ODR4: variants seen among roughly 807,000 people sequenced by gnomAD.
ODR4 encodes the protein odr-4 GPCR localization factor homolog.
In ODR4, 47 loss-of-function variants were observed where a neutral mutation model predicts 60.2. The observed-to-expected ratio is 0.78, with a 90% CI of 0.62 to 1.00. The LOEUF (loss-of-function observed/expected upper bound fraction) is 1.00. Among genes scored for constraint, ODR4 ranks in the 50% least tolerant of loss-of-function variants. The probability of loss-of-function intolerance (pLI) is 0.00; values close to 1 mark genes in which losing one functional copy is unlikely to be tolerated. For missense variants in ODR4, 488 were observed against 530.8 expected, an observed-to-expected ratio of 0.92 and a Z score of 0.79; for synonymous variants, 178 against 175.5, an observed-to-expected ratio of 1.01 and a Z score of -0.11.
Position 186,383,085 on chromosome 1 carries a change from G to C in ODR4, c.163G>C (p.Glu55Gln), listed in dbSNP as rs143106529. ...AACGCCACCCAAAGAGGAGCAAAGT[G>C]AGAACCTCAAACATCCCAAAGCTAA... is the stretch of plus-strand genomic sequence containing the variant. ...TRTPPKEEQS[E>Q]NLKHPKAKLD... The change falls in exon 3 of 14, where the codon GAG (glutamate) becomes CAG (glutamine). Residue 55 changes from glutamate (E) to glutamine (Q), a missense_variant. Coordinates refer to ENST00000287859, the MANE Select transcript of ODR4 (RefSeq NM_017847.6). 6.6e-5 allele frequency: 104 copies of C among 1,570,656 alleles called. No homozygotes were observed. In the African/African-American group the frequency reaches 1.2e-3, roughly 18 times the overall value.
chr1:186,408,786 C>A (rs1467173026), intron 12 of ODR4, among the ~76,000 whole-genome samples: 1 of 151,590 alleles, frequency 6.6e-6, no homozygotes, highest in East Asian at 1.9e-4. Flanking sequence ...CTAAGGGTAG[C>A]ACTGTATGCA....
intron 11 of ODR4, chr1:186,401,071 T>A: frequency 6.3e-7 from 1 of 1,597,294 alleles, no homozygotes; most frequent in Non-Finnish European, 8.6e-7. Context: ...CCATTATTGT[T>A]AAAGATTTAC....
the ODR4 span, among the ~76,000 whole-genome samples, chr1:186,433,683 C>T: frequency 6.6e-6 from 1 of 152,024 alleles, no homozygotes; most frequent in Non-Finnish European, 1.5e-5. Context: ...TGGGTTCAAG[C>T]GATTCTCTTG....
chr1:186,397,019 C>T (rs937661863), intron 9 of ODR4, among the ~76,000 whole-genome samples: 1 of 152,062 alleles, frequency 6.6e-6, no homozygotes, highest in African/African-American at 2.4e-5. Context: ...CGTCACACTG[C>T]TGCTTGGTTT....
At chr1:186,400,997 G>T in intron 11 of ODR4, 1 of 1,545,630 alleles carries the variant, frequency 6.5e-7, no homozygotes. Context: ...CAGGTTCTGA[G>T]CAACAGTGTA....
rs532589662 is a variant in ODR4, at chr1:186,415,031, T to C, written c.1187-2513T>C. Among the ~76,000 whole-genome samples the C allele has an allele frequency of 2.6e-5, 4 of 152,176 alleles. No individual in the cohort carries two copies. The South Asian group carries it at 6.2e-4, about 24-fold the overall frequency. On this transcript the variant is annotated intron_variant, in intron 12 of 13. Coordinates refer to ENST00000287859, the MANE Select transcript of ODR4 (RefSeq NM_017847.6). ...AACTGGAAATATAGAAGACTAGATA[T>C]TCCTAGAGACAGTTCATAAGAATTT...
intron 6 of ODR4, among the ~76,000 whole-genome samples, chr1:186,389,871 T>A (rs1660393871): frequency 6.6e-6 from 1 of 152,268 alleles, no homozygotes; most frequent in Admixed American, 6.5e-5. Flanking sequence ...CACTGCAGCC[T>A]CCACCTCTTG....
At chr1:186,402,185 C>CTTTTCTTTCTT (rs1473445796) in intron 11 of ODR4, among the ~76,000 whole-genome samples, 2 of 32,900 alleles carry the variant, frequency 6.1e-5, no homozygotes, top group Non-Finnish European at 7.6e-5. Context: ...TATAGGCATC[C>CTTTTCTTTCTT]TATTCTTTCT....
At chr1:186,383,678 GATATAT>G (rs60229243) in intron 3 of ODR4, among the ~76,000 whole-genome samples, 2 of 140,724 alleles carry the variant, frequency 1.4e-5, no homozygotes, top group Non-Finnish European at 3.1e-5. Context: ...TGTGTATGTA[GATATAT>G]ATATATATAT....
intron 11 of ODR4, among the ~76,000 whole-genome samples, chr1:186,402,882 C>A (rs1044845807): frequency 6.6e-6 from 1 of 152,052 alleles, no homozygotes; most frequent in East Asian, 1.9e-4. Flanking sequence ...ATGAATGGCC[C>A]CATTTTCTTA....
At chr1:186,411,104 G>T (rs923604716) in intron 12 of ODR4, among the ~76,000 whole-genome samples, 3 of 151,584 alleles carry the variant, frequency 2.0e-5, no homozygotes, top group Non-Finnish European at 4.4e-5. Context: ...TCTAAAATCT[G>T]AAATGCTCCA....
the ODR4 span, among the ~76,000 whole-genome samples, chr1:186,427,498 TC>T: frequency 0.16 from 24,068 of 152,174 alleles, 2,248 homozygotes; most frequent in African/African-American, 0.26. Context: ...TAATTCTAGT[TC>T]TTTTGCTAAT....
chr1:186,419,314 T>C lies in ODR4; in HGVS notation c.*238T>C. 1.9e-6 allele frequency: 1 copy of C among 525,052 alleles called. No homozygotes were observed. The highest frequency in any genetic ancestry group is 3.4e-6 in the Non-Finnish European group (1 of 294,052). 32.5% of individuals were successfully genotyped at this position (525,052 alleles called of 1,614,324 possible). A position where few individuals can be genotyped will look rare whatever the true frequency, so the allele number is the denominator to read the frequency against. ...GTTATGCATCTAGATGGAAGCTGCA[T>C]GTAACAAATCATTATTATCTATTTT... On this transcript the variant is annotated 3_prime_UTR_variant, in exon 14 of 14. Coordinates refer to ENST00000287859, the MANE Select transcript of ODR4 (RefSeq NM_017847.6).
At chr1:186,395,384 C>T (rs996234233) in intron 9 of ODR4, among the ~76,000 whole-genome samples, 3 of 151,974 alleles carry the variant, frequency 2.0e-5, no homozygotes, top group Admixed American at 1.3e-4. Flanking sequence ...TGAGCCACCG[C>T]GCCTGGCCAG....
chr1:186,380,327 T>C (rs74370445), intron 2 of ODR4, among the ~76,000 whole-genome samples: 28,437 of 152,128 alleles, frequency 0.19, 3,011 homozygotes, highest in African/African-American at 0.29. Flanking sequence ...GTGGTCATAT[T>C]TTTGTTGTAA....
At chr1:186,431,280 A>G in the ODR4 span, among the ~76,000 whole-genome samples, 1 of 152,348 alleles carries the variant, frequency 6.6e-6, no homozygotes, top group Admixed American at 6.5e-5. Context: ...GAAGTATTGC[A>G]AAGAATGGAA....
chr1:186,385,311 CT>C (rs1431084334), intron 3 of ODR4, among the ~76,000 whole-genome samples: 3 of 147,198 alleles, frequency 2.0e-5, no homozygotes, highest in African/African-American at 7.6e-5. Flanking sequence ...ATCTAGTATG[CT>C]GCTAAAAATA....
chr1:186,416,301 C>T (rs143808640), intron 12 of ODR4, among the ~76,000 whole-genome samples: 7,928 of 151,938 alleles, frequency 0.052, 303 homozygotes, highest in Non-Finnish European at 0.081. Flanking sequence ...TTTGGGAGGC[C>T]GAGACAGGCA....
At chr1:186,405,868 T>C (rs1388752554) in intron 11 of ODR4, among the ~76,000 whole-genome samples, 2 of 152,124 alleles carry the variant, frequency 1.3e-5, no homozygotes, top group East Asian at 1.9e-4. Flanking sequence ...TTATTTTTCA[T>C]AGGAGTATCA....
Sources: allele counts gnomAD v4.1 joint callset (sites outside exome capture counted in the v4.1 genomes callset), GRCh38; gene constraint gnomAD v4.1.1; transcripts MANE v1.5; gene names NCBI Gene and HGNC (gene_info 2026-07-23, HGNC 2026-07-21).